The following TUNAR variants were observed in gnomAD, a reference collection of about 807,000 sequenced individuals.
TUNAR encodes transmembrane neural differentiation associated intracellular calcium regulator.
intron 2 of TUNAR, among the ~76,000 whole-genome samples, chr14:95,912,770 C>T (rs752440622): frequency 1.3e-5 from 2 of 152,126 alleles, no homozygotes; most frequent in Non-Finnish European, 1.5e-5. Context: ...CTTATCACAT[C>T]GTGGGCATCT....
chr14:95,891,402 C>A (rs1320832022), intron 2 of TUNAR, among the ~76,000 whole-genome samples: 1 of 152,224 alleles, frequency 6.6e-6, no homozygotes, highest in African/African-American at 2.4e-5. Context: ...CCTCTCTCCA[C>A]AAGAGCCCTG....
At chr14:95,913,543 G>A (rs985181477) in intron 2 of TUNAR, among the ~76,000 whole-genome samples, 2 of 152,190 alleles carry the variant, frequency 1.3e-5, no homozygotes, top group Non-Finnish European at 2.9e-5. Context: ...TGATCACTGA[G>A]TGGCTTGGCA....
intron 2 of TUNAR, among the ~76,000 whole-genome samples, chr14:95,877,537 G>A (rs1888909042): frequency 6.6e-6 from 1 of 152,152 alleles, no homozygotes; most frequent in Admixed American, 6.5e-5. Context: ...AAGCCGCTCT[G>A]GGAAATAGGT....
chr14:95,901,573 C>G (rs928519607), intron 2 of TUNAR, among the ~76,000 whole-genome samples: 1 of 152,176 alleles, frequency 6.6e-6, no homozygotes, highest in African/African-American at 2.4e-5. Flanking sequence ...ACAGCCCTGG[C>G]GCCTAGCAGG....
At chr14:95,899,832 A>G (rs1889322274) in intron 2 of TUNAR, among the ~76,000 whole-genome samples, 1 of 152,192 alleles carries the variant, frequency 6.6e-6, no homozygotes, top group African/African-American at 2.4e-5. Flanking sequence ...GAGGGTGAAG[A>G]TTTCAACATA....
intron 2 of TUNAR, among the ~76,000 whole-genome samples, chr14:95,894,534 C>A (rs1480450476): frequency 2.0e-5 from 3 of 152,104 alleles, no homozygotes. Flanking sequence ...GTTTGCGGGG[C>A]CCCTGGCAAC....
intron 2 of TUNAR, among the ~76,000 whole-genome samples, chr14:95,919,306 A>AGGAAT (rs2139673028): frequency 6.6e-6 from 1 of 152,390 alleles, no homozygotes; most frequent in East Asian, 1.9e-4. Context: ...GTATGTATGT[A>AGGAAT]GTAATAGGAA....
chr14:95,907,196 C>A (rs1889440115), intron 2 of TUNAR, among the ~76,000 whole-genome samples: 1 of 152,162 alleles, frequency 6.6e-6, no homozygotes, highest in African/African-American at 2.4e-5. Flanking sequence ...AGCCCTTCTC[C>A]TATATCTGAG....
chr14:95,890,824 T>G (rs530258720), intron 2 of TUNAR, among the ~76,000 whole-genome samples: 2 of 152,366 alleles, frequency 1.3e-5, no homozygotes, highest in South Asian at 4.1e-4. Flanking sequence ...ATCAAATTAA[T>G]CAAATGTAAT....
rs187276201 is a variant in TUNAR, at chr14:95,889,153, C to T, written c.12+11976C>T. Among the ~76,000 whole-genome samples the T allele has an allele frequency of 9.6e-4, 146 of 152,296 alleles. 1 individual carries two copies. Among genetic ancestry groups the T allele is most frequent in the African/African-American group, 3.4e-3 (143 of 41,552 alleles). ...GGCAGACCACCTCCCCTCCCCTCCC[C>T]TGCTGTCCCTGGCCTCCCTTCCCTT... On this transcript the variant is annotated intron_variant, in intron 2 of 2. Transcript: ENST00000678517.
intron 2 of TUNAR, among the ~76,000 whole-genome samples, chr14:95,901,852 G>A (rs1050884598): frequency 5.3e-5 from 8 of 152,246 alleles, no homozygotes; most frequent in African/African-American, 1.7e-4. Context: ...ATGGGAATAG[G>A]GGACCTTTAT....
intron 2 of TUNAR, chr14:95,896,044 A>C (rs950743964): frequency 7.9e-5 from 12 of 152,172 alleles, no homozygotes; most frequent in African/African-American, 2.9e-4. Flanking sequence ...ATATTTGTTA[A>C]ATTATTGAAT....
At chr14:95,919,260 G>A (rs562208296) in intron 2 of TUNAR, among the ~76,000 whole-genome samples, 45 of 152,326 alleles carry the variant, frequency 3.0e-4, no homozygotes, top group African/African-American at 9.9e-4. Context: ...AATGTCAAAC[G>A]TATGCGTACC....
intron 2 of TUNAR, among the ~76,000 whole-genome samples, chr14:95,880,778 A>G (rs1888967269): frequency 6.6e-6 from 1 of 152,104 alleles, no homozygotes; most frequent in African/African-American, 2.4e-5. Context: ...TGTAACATCT[A>G]AGGAAGTGTG....
chr14:95,894,480 T>G (rs1889227394), intron 2 of TUNAR, among the ~76,000 whole-genome samples: 1 of 152,058 alleles, frequency 6.6e-6, no homozygotes. Flanking sequence ...GAGGGAGAGA[T>G]TCACACGTGA....
chr14:95,881,183 A>G (rs183250643), intron 2 of TUNAR, among the ~76,000 whole-genome samples: 2,802 of 152,312 alleles, frequency 0.018, 51 homozygotes, highest in East Asian at 0.08. Flanking sequence ...TTTTGCTGTC[A>G]ATAAACCTCT....
chr14:95,915,695 C>T (rs528565142), intron 2 of TUNAR, among the ~76,000 whole-genome samples: 1 of 152,386 alleles, frequency 6.6e-6, no homozygotes, highest in Admixed American at 6.5e-5. Context: ...GCTCTGCAGC[C>T]TCTAGGCCCA....
chr14:95,906,552 G>A (rs1889428944), intron 2 of TUNAR, among the ~76,000 whole-genome samples: 3 of 152,212 alleles, frequency 2.0e-5, no homozygotes, highest in Admixed American at 2.0e-4. Context: ...CAATTACTGA[G>A]TAGGTGATAG....
intron 2 of TUNAR, among the ~76,000 whole-genome samples, chr14:95,902,454 T>C (rs1889369420): frequency 6.6e-6 from 1 of 152,192 alleles, no homozygotes. Flanking sequence ...CAAATGCTCC[T>C]GAGTAAGTGA....
Sources: gnomAD v4.1 joint callset for allele counts (sites outside exome capture counted in the v4.1 genomes callset) on GRCh38, gnomAD v4.1.1 for gene constraint, MANE v1.5 for transcripts, NCBI Gene and HGNC (gene_info 2026-07-23, HGNC 2026-07-21) for gene names.